Variants in NXPE4 observed in about 807,000 individuals in gnomAD.
The protein encoded by NXPE4 is NXPE family member 4.
In NXPE4, 42 loss-of-function variants were observed where a neutral mutation model predicts 33.3. That is an observed-to-expected ratio of 1.26 (90% CI 0.98 to 1.63). The LOEUF is 1.63. Among genes scored for constraint, NXPE4 ranks in the 40% most tolerant of loss-of-function variants. The probability of loss-of-function intolerance (pLI) is 0.00; values close to 1 mark genes in which losing one functional copy is unlikely to be tolerated. For missense variants in NXPE4, 709 were observed against 647.6 expected (o/e 1.09, Z -1.03); for synonymous variants, 253 against 234.9 (o/e 1.08, Z -0.71).
At chr11:114,619,344 C>A in the NXPE4 span, among the ~76,000 whole-genome samples, 4 of 151,846 alleles carry the variant, frequency 2.6e-5, no homozygotes, top group South Asian at 8.3e-4. Context: ...TTGTGTGTAA[C>A]CACTGTTACC....
rs1348239281 is a variant in NXPE4 at position 114,582,356 on chromosome 11, G to A, written c.762C>T (p.Leu254=). 1.9e-6 allele frequency: 3 copies of A among 1,612,786 alleles called. No individual in the cohort carries two copies. In the African/African-American group the frequency reaches 4.0e-5, roughly 22 times the overall value. ...TCTTGTTCTTAGAATACATGTGAGT[G>A]AGTGCAGCACAGGGCATGTGTTGAG... ...VRPQHMPCAA[L]THMYSKNKKV... is the part of the protein sequence containing the mutation. Residue 254 remains leucine, a synonymous_variant, in exon 3 of 6, where the codon CTC becomes CTT. Coordinates refer to ENST00000375478, the MANE Select transcript of NXPE4 (RefSeq NM_001077639.2).
chr11:114,610,602 A>T, the NXPE4 span, among the ~76,000 whole-genome samples: 1 of 151,566 alleles, frequency 6.6e-6, no homozygotes, highest in Non-Finnish European at 1.5e-5. Flanking sequence ...CTCGTGGTTA[A>T]CCACTGTTAC....
At chr11:114,639,230 G>T in the NXPE4 span, among the ~76,000 whole-genome samples, 170 of 151,366 alleles carry the variant, frequency 1.1e-3, no homozygotes, top group African/African-American at 4.0e-3. Flanking sequence ...ACTGCTGTGC[G>T]AGCAATCAGC....
chr11:114,583,952 G>A (rs1193675951), intron 2 of NXPE4: 4 of 390,314 alleles, frequency 1.0e-5, no homozygotes, highest in African/African-American at 8.3e-5. Flanking sequence ...TGGGATTGAT[G>A]ATGAGTCCTA....
the NXPE4 span, among the ~76,000 whole-genome samples, chr11:114,653,990 C>T: frequency 6.6e-6 from 1 of 152,092 alleles, no homozygotes; most frequent in Non-Finnish European, 1.5e-5. Context: ...GGAAGGAAGG[C>T]ATACCCGGCA....
the NXPE4 span, among the ~76,000 whole-genome samples, chr11:114,637,774 G>C: frequency 2.6e-5 from 4 of 151,852 alleles, no homozygotes; most frequent in South Asian, 2.1e-4. Context: ...TTCTCTTTAA[G>C]AATGTTGAAT....
At chr11:114,602,566 TATA>T in the NXPE4 span, among the ~76,000 whole-genome samples, 4 of 139,900 alleles carry the variant, frequency 2.9e-5, no homozygotes, top group Non-Finnish European at 4.5e-5. Context: ...TTATATCATT[TATA>T]ATAATTATCT....
the NXPE4 span, among the ~76,000 whole-genome samples, chr11:114,659,465 A>T: frequency 6.6e-6 from 1 of 152,154 alleles, no homozygotes; most frequent in Non-Finnish European, 1.5e-5. Flanking sequence ...TGAAGAAAAA[A>T]AAAACAGTAC....
chr11:114,615,513 T>G, the NXPE4 span, among the ~76,000 whole-genome samples: 1 of 151,860 alleles, frequency 6.6e-6, no homozygotes, highest in African/African-American at 2.4e-5. Flanking sequence ...TAATACATGT[T>G]GCCTCACAGG....
the NXPE4 span, among the ~76,000 whole-genome samples, chr11:114,628,742 T>C: frequency 6.6e-6 from 1 of 151,350 alleles, no homozygotes; most frequent in African/African-American, 2.4e-5. Flanking sequence ...AGCTGGTTTT[T>C]TGAAAGGATC....
rs975305897 is a variant in NXPE4 at position 114,571,237 on chromosome 11, C to T, written c.1336G>A (p.Val446Ile). Residue 446 changes from valine (V) to isoleucine (I), a missense_variant, in exon 6 of 6, where the codon GTT (valine) becomes ATT (isoleucine). Val to Ile is a conservative substitution (Grantham distance 29). Coordinates refer to ENST00000375478, the MANE Select transcript of NXPE4 (RefSeq NM_001077639.2). The part of the protein sequence containing the change: ...GQHFRPFPID[V>I]FIRRALNVHK... ...ACATTGAGGGCCCTTCGGATAAAAA[C>T]ATCAATGGGAAAGGGTCTGAAATGC... 5 of 1,614,026 alleles carry T rather than the reference C, an allele frequency of 3.1e-6. No homozygotes were observed. The highest frequency in any genetic ancestry group is 4.2e-6 in the Non-Finnish European group (5 of 1,179,954).
the NXPE4 span, among the ~76,000 whole-genome samples, chr11:114,673,714 G>T: frequency 6.6e-6 from 1 of 151,796 alleles, no homozygotes; most frequent in Non-Finnish European, 1.5e-5. Context: ...CTTGGGAATT[G>T]AGTCATGCAA....
intron 2 of NXPE4, among the ~76,000 whole-genome samples, chr11:114,593,124 T>C (rs1273098017): frequency 6.6e-6 from 1 of 152,068 alleles, no homozygotes; most frequent in East Asian, 1.9e-4. Context: ...AGCCAGAGGA[T>C]TTTTGGATAA....
At chr11:114,644,959 T>C in the NXPE4 span, among the ~76,000 whole-genome samples, 1 of 151,728 alleles carries the variant, frequency 6.6e-6, no homozygotes, top group Non-Finnish European at 1.5e-5. Context: ...TGTCATGACA[T>C]ATTGATGAAA....
intron 5 of NXPE4, among the ~76,000 whole-genome samples, chr11:114,577,427 A>C (rs2135202969): frequency 6.6e-6 from 1 of 152,172 alleles, no homozygotes; most frequent in Admixed American, 6.5e-5. Flanking sequence ...GAGGGATAAA[A>C]GACTATACAT....
the NXPE4 span, among the ~76,000 whole-genome samples, chr11:114,640,841 A>G: frequency 6.6e-6 from 1 of 152,004 alleles, no homozygotes; most frequent in Non-Finnish European, 1.5e-5. Flanking sequence ...GTCCATGTAG[A>G]TTCTGGATAT....
chr11:114,644,451 G>A, the NXPE4 span, among the ~76,000 whole-genome samples: 1 of 152,100 alleles, frequency 6.6e-6, no homozygotes, highest in Non-Finnish European at 1.5e-5. Context: ...TTTATTGAGA[G>A]TTTTTAGCAT....
intron 2 of NXPE4, among the ~76,000 whole-genome samples, chr11:114,591,373 ATTAACAGG>A (rs1313551432): frequency 2.6e-5 from 4 of 152,238 alleles, no homozygotes; most frequent in African/African-American, 9.6e-5. Flanking sequence ...CCACCAGGAA[ATTAACAGG>A]TTATTATCCT....
At chr11:114,645,086 G>C in the NXPE4 span, among the ~76,000 whole-genome samples, 1 of 151,784 alleles carries the variant, frequency 6.6e-6, no homozygotes, top group South Asian at 2.1e-4. Context: ...CGGATTCCTT[G>C]AGGTCAGGAG....
Sources: gnomAD v4.1 joint callset for allele counts (sites outside exome capture counted in the v4.1 genomes callset) on GRCh38, gnomAD v4.1.1 for gene constraint, MANE v1.5 for transcripts, NCBI Gene and HGNC (gene_info 2026-07-23, HGNC 2026-07-21) for gene names.